KATNBL1: variants seen among roughly 807,000 people sequenced by gnomAD.
The protein encoded by KATNBL1 is KATNB1-like protein 1.
In KATNBL1, 28 loss-of-function variants were observed where a neutral mutation model predicts 44.7. The ratio of observed to expected loss-of-function variants is 0.63; its 90% CI spans 0.46 to 0.86. The LOEUF (loss-of-function observed/expected upper bound fraction) is 0.86. Ranked by LOEUF, KATNBL1 falls within the 40% of genes least tolerant of loss-of-function variation. The pLI is 0.00. For synonymous variants in KATNBL1, 78 were observed against 114.9 expected (o/e 0.68, Z 2.06); for missense variants, 272 against 350.7 (o/e 0.78, Z 1.79).
intron 1 of KATNBL1, among the ~76,000 whole-genome samples, chr15:34,193,161 G>A (rs907452318): frequency 7.6e-6 from 1 of 131,266 alleles, no homozygotes; most frequent in African/African-American, 2.9e-5. Context: ...AGCTTGCAGT[G>A]AACCGAGATC....
At chr15:34,147,172 A>G in intron 7 of KATNBL1, 28 bp downstream of exon 7, 1 of 1,393,798 alleles carries the variant, frequency 7.2e-7, no homozygotes. Context: ...AAAAAGAAAA[A>G]TGAATCAAGA....
intron 1 of KATNBL1, chr15:34,209,316 C>G (rs1246490049): frequency 5.9e-5 from 9 of 152,206 alleles, no homozygotes; most frequent in African/African-American, 2.2e-4. Context: ...ATAGGTATCT[C>G]TGTTTTCAAG....
Position 34,145,155 on chromosome 15 carries a change from A to T in KATNBL1, c.882+243T>A. Reference sequence around the variant, plus strand: ...TTTTCTCTGATTAAAACCCTCTGTAAATATCCTCTAGCATAGCATTTCAGG... The same window carrying T: ...TTTTCTCTGATTAAAACCCTCTGTATATATCCTCTAGCATAGCATTTCAGG... On this transcript the variant is annotated intron_variant, in intron 9 of 9. Transcript: ENST00000256544. The T allele has an allele frequency of 6.9e-6, 9 of 1,295,372 alleles. No homozygotes were observed. In the South Asian group the frequency reaches 1.2e-4, roughly 17 times the overall value. 80.2% of individuals were successfully genotyped at this position (1,295,372 alleles called of 1,614,324 possible).
chr15:34,188,814 A>T (rs73380135), intron 1 of KATNBL1, among the ~76,000 whole-genome samples: 31,349 of 152,100 alleles, frequency 0.21, 4,040 homozygotes, highest in African/African-American at 0.37. Context: ...AGTCCTTTTC[A>T]TGAACTCCCC....
At chr15:34,173,562 G>T (rs564370288) in intron 1 of KATNBL1, among the ~76,000 whole-genome samples, 1 of 152,092 alleles carries the variant, frequency 6.6e-6, no homozygotes, top group South Asian at 2.1e-4. Context: ...CCAAAAAAAA[G>T]AAAGATAAGA....
rs1888460431 is a variant in KATNBL1, at chr15:34,151,249, T to A, written c.438+1541A>T. ...TTTTCCACAACCTTGCCAGAATCTA[T>A]TATTTTTTGACTTTTTAATAATAGC... On this transcript the variant is annotated intron_variant, in intron 4 of 9. Transcript: ENST00000256544. Among the ~76,000 whole-genome samples, 5 of 152,228 alleles carry A rather than the reference T, an allele frequency of 3.3e-5. No homozygotes were observed. The South Asian group carries it at 1.0e-3, about 32-fold the overall frequency.
intron 9 of KATNBL1, among the ~76,000 whole-genome samples, chr15:34,144,672 GTGAT>G (rs1888257159): frequency 6.6e-6 from 1 of 151,830 alleles, no homozygotes; most frequent in South Asian, 2.1e-4. Context: ...CCAGGTTCAA[GTGAT>G]TCTCCTGCCT....
intron 1 of KATNBL1, among the ~76,000 whole-genome samples, chr15:34,193,558 A>G (rs545613356): frequency 6.6e-6 from 1 of 152,136 alleles, no homozygotes; most frequent in South Asian, 2.1e-4. Flanking sequence ...ATTAATTAAA[A>G]TATCACCAGT....
intron 2 of KATNBL1, among the ~76,000 whole-genome samples, chr15:34,156,218 A>G (rs568926911): frequency 1.3e-5 from 2 of 152,326 alleles, no homozygotes; most frequent in East Asian, 1.9e-4. Flanking sequence ...TTGTCGTGAG[A>G]GACACAAAAT....
chr15:34,192,557 G>A (rs766917957), intron 1 of KATNBL1, among the ~76,000 whole-genome samples: 1 of 152,148 alleles, frequency 6.6e-6, no homozygotes, highest in African/African-American at 2.4e-5. Flanking sequence ...TTGCTTTTAG[G>A]CCTAGAGGGT....
Position 34,163,541 on chromosome 15 carries a change from C to T in KATNBL1, c.117+19G>A. The T allele has an allele frequency of 1.9e-6, 3 of 1,580,968 alleles. No individual in the cohort carries two copies. In the South Asian group the frequency reaches 3.6e-5, roughly 19 times the overall value. ...CCGTTTAAATTGTCTTATCTGTTTT[C>T]TAGAAACCATAGACTTACCTCCTTC... On this transcript the variant is annotated intron_variant, in intron 2 of 9. Transcript: ENST00000256544.
rs71119942 is a variant in KATNBL1, at chr15:34,184,576, C to CTTTTTTTTTTTTTTT, written c.-14-20887_-14-20886insAAAAAAAAAAAAAAA. ...ATACTTCCTGTCTCTCCTAATGTTT[C>CTTTTTTTTTTTTTTT]TTTTTTTTTTTTTTGAGACAGAGTC... On this transcript the variant is annotated intron_variant, in intron 1 of 9. Transcript: ENST00000256544. Among the ~76,000 whole-genome samples, 10 of 95,260 alleles carry CTTTTTTTTTTTTTTT rather than the reference C, an allele frequency of 1.0e-4. 2 individuals are homozygous for CTTTTTTTTTTTTTTT. Among genetic ancestry groups the CTTTTTTTTTTTTTTT allele is most frequent in the Non-Finnish European group, 1.7e-4 (9 of 52,250 alleles). 62.5% of individuals were successfully genotyped at this position (95,260 alleles called of 152,430 possible). A position where few individuals can be genotyped will look rare whatever the true frequency, so the allele number is the denominator to read the frequency against.
At chr15:34,150,173 ATTAG>A (rs2140905199) in intron 4 of KATNBL1, among the ~76,000 whole-genome samples, 1 of 152,388 alleles carries the variant, frequency 6.6e-6, no homozygotes, top group South Asian at 2.1e-4. Flanking sequence ...CATTAAACCT[ATTAG>A]TTAAATGTAA....
intron 1 of KATNBL1, among the ~76,000 whole-genome samples, chr15:34,188,407 T>C (rs888538722): frequency 6.6e-6 from 1 of 151,770 alleles, no homozygotes; most frequent in African/African-American, 2.4e-5. Context: ...AATACAAAAA[T>C]TAGCCAGGCA....
intron 1 of KATNBL1, among the ~76,000 whole-genome samples, chr15:34,173,492 T>C (rs913291837): frequency 6.6e-6 from 1 of 152,014 alleles, no homozygotes; most frequent in Non-Finnish European, 1.5e-5. Flanking sequence ...GAGAAACGTA[T>C]CTTCAGATAC....
chr15:34,158,772 G>T (rs1025136995), intron 2 of KATNBL1, among the ~76,000 whole-genome samples: 3 of 152,158 alleles, frequency 2.0e-5, no homozygotes, highest in Admixed American at 1.3e-4. Flanking sequence ...TAGTATTCCT[G>T]ACTCTACTTC....
intron 8 of KATNBL1, chr15:34,145,738 C>A: frequency 5.3e-6 from 1 of 189,168 alleles, no homozygotes; most frequent in Non-Finnish European, 1.1e-5. Flanking sequence ...CAAATGCCTC[C>A]TATTTAATTA....
intron 2 of KATNBL1, among the ~76,000 whole-genome samples, chr15:34,161,869 TAAAG>T (rs1453029707): frequency 1.3e-5 from 2 of 152,060 alleles, no homozygotes; most frequent in Non-Finnish European, 2.9e-5. Flanking sequence ...CAAGGAGGCA[TAAAG>T]AATGAGGAAG....
chr15:34,180,992 T>C (rs1174884032), intron 1 of KATNBL1, among the ~76,000 whole-genome samples: 1 of 152,212 alleles, frequency 6.6e-6, no homozygotes, highest in Non-Finnish European at 1.5e-5. Context: ...GTCAGAACTA[T>C]AGCCCCATAA....
Sources: gnomAD v4.1 joint callset for allele counts (sites outside exome capture counted in the v4.1 genomes callset) on GRCh38, gnomAD v4.1.1 for gene constraint, MANE v1.5 for transcripts, NCBI Gene and HGNC (gene_info 2026-07-23, HGNC 2026-07-21) for gene names.